UBXN1: variants seen among roughly 807,000 people sequenced by gnomAD.
UBXN1 encodes the protein UBX domain protein 1, also known as UBX domain-containing protein 1.
In UBXN1, 21 loss-of-function variants were observed where a neutral mutation model predicts 42.0. The ratio of observed to expected loss-of-function variants is 0.50; its 90% CI spans 0.35 to 0.72. The LOEUF is 0.72. Ranked by LOEUF, UBXN1 falls within the 30% of genes least tolerant of loss-of-function variation. UBXN1 has a pLI of 0.00. For synonymous variants in UBXN1, 172 were observed against 142.6 expected, an observed-to-expected ratio of 1.21 and a Z score of -1.47; for missense variants, 374 against 382.2, an observed-to-expected ratio of 0.98 and a Z score of 0.18.
Position 62,676,966 on chromosome 11 carries a change from G to A in UBXN1, c.691C>T (p.Arg231Trp), listed in dbSNP as rs754914457. Residue 231 changes from arginine (R) to tryptophan (W), a missense_variant, in exon 8 of 9, where the codon CGG becomes TGG. Coordinates refer to ENST00000301935, the MANE Select transcript of UBXN1 (RefSeq NM_001286077.2). ...PDGTSLTQTF[R>W]AREQLAAVRL... The stretch of plus-strand genomic sequence containing the variant: ...ACAGCTGCCAGCTGTTCCCGGGCCC[G>A]GAACGTCTGGGTCAGTGAGGTCCCA... 6.6e-5 allele frequency: 107 copies of A among 1,611,676 alleles called. No individual in the cohort carries two copies. The highest frequency in any genetic ancestry group is 6.5e-4 in the South Asian group (59 of 91,090).
intron 3 of UBXN1, 28 bp from the exon 4 acceptor site, chr11:62,678,436 C>T (rs183444513): frequency 1.9e-6 from 3 of 1,614,086 alleles, no homozygotes; most frequent in African/African-American, 2.7e-5. Flanking sequence ...GTATTATTAT[C>T]CCTTCAGATT....
At position 62,677,803 on chromosome 11, in the gene UBXN1, T is replaced by C; in HGVS notation, c.512A>G (p.Asp171Gly). The change falls in exon 6 of 9, where the codon GAC becomes GGC. Residue 171 changes from aspartate (D) to glycine (G), a missense_variant. Asp to Gly is a moderately conservative substitution (Grantham distance 94, BLOSUM62 -1). Transcript: ENST00000301935. ...RQRVREKIER[D>G]KAERAKKYGG... ...TACCTTCTTGGCTCTCTCTGCTTTG[T>C]CCCTCTCGATCTTTTCTCTAACTCT... The C allele has an allele frequency of 6.2e-7, 1 of 1,614,254 alleles. No homozygotes were observed. Among genetic ancestry groups the C allele is most frequent in the Non-Finnish European group, 8.5e-7 (1 of 1,180,052 alleles).
chr11:62,677,741 T>G (rs750451667), intron 6 of UBXN1, 40 bp downstream of exon 6: 1 of 1,614,114 alleles, frequency 6.2e-7, no homozygotes, highest in Admixed American at 1.7e-5. Context: ...TTTACTAACC[T>G]GCCCACTCCA....
intron 7 of UBXN1, 124 bp downstream of exon 7, chr11:62,677,392 CAA>C (rs528020957): frequency 3.0e-6 from 3 of 992,060 alleles, no homozygotes; most frequent in Non-Finnish European, 4.7e-6. Context: ...GATAGGATTT[CAA>C]AAGTCATTTA....
rs577563100 is a variant in UBXN1, at chr11:62,678,193, T to G, written c.291-75A>C. 1.4e-5 allele frequency: 23 copies of G among 1,602,024 alleles called. No homozygotes were observed. The African/African-American group carries it at 2.6e-4, about 18-fold the overall frequency. On this transcript the variant is annotated intron_variant, in intron 4 of 8. Transcript: ENST00000301935. ...GTGTAAAGTTTACAATAAACAAAATTAGGCGACATATATCCCAAAGTAGAT... is the reference window on the plus strand; with the variant it reads ...GTGTAAAGTTTACAATAAACAAAATGAGGCGACATATATCCCAAAGTAGAT...
At chr11:62,677,412 G>T in intron 7 of UBXN1, 106 bp downstream of exon 7, 1 of 1,096,864 alleles carries the variant, frequency 9.1e-7, no homozygotes, top group Non-Finnish European at 1.4e-6. Context: ...TTACAAAGAA[G>T]GGAGAGATTT....
At chr11:62,677,134 CA>C in intron 7 of UBXN1, 129 bp from the exon 8 acceptor site, 1 of 1,085,406 alleles carries the variant, frequency 9.2e-7, no homozygotes, top group Non-Finnish European at 1.3e-6. Flanking sequence ...TTTAAAGCAC[CA>C]AATGAACAGC....
Position 62,678,360 on chromosome 11 carries a change from T to G in UBXN1, c.269A>C (p.Glu90Ala). 6.2e-7 allele frequency: 1 copy of G among 1,614,150 alleles called. No homozygotes were observed. ...GEGKPALSEE[E>A]RQEQTKRMLE... ...GTACCTCTTAGTTTGTTCCTGTCTT[T>G]CCTCTTCACTCAAAGCGGGTTTGCC... Residue 90 changes from glutamate to alanine, a missense_variant, in exon 4 of 9, where the codon GAA becomes GCA. Transcript: ENST00000301935.
Position 62,676,615 on chromosome 11 carries a change from AT to A in UBXN1, c.868del (p.Ile290LeufsTer18). On this transcript the variant is annotated frameshift_variant, in exon 9 of 9. Coordinates refer to ENST00000301935, the MANE Select transcript of UBXN1 (RefSeq NM_001286077.2). LOFTEE classifies it high-confidence loss of function. Reference sequence around the variant, plus strand: ...TCAGCTGGGACATTTCTTGGCCACAATGAGAACAGCAGAAGGCACGAGTCCT... The same window carrying A: ...TCAGCTGGGACATTTCTTGGCCACAAGAGAACAGCAGAAGGCACGAGTCCT... The part of the protein sequence containing the change: ...ELGLVPSAVL[I>X]VAKKCPS 6.2e-7 allele frequency: 1 copy of A among 1,612,592 alleles called. No homozygotes were observed. Among genetic ancestry groups the A allele is most frequent in the Non-Finnish European group, 8.5e-7 (1 of 1,179,668 alleles).
In UBXN1 at chr11:62,676,691, C is replaced by G. The variant is rs1452764904; in HGVS notation, c.845-52G>C. Reference sequence around the variant, plus strand: ...ACCACAAGGATACTTGGTTTTTGCTCCCAAAATTCCTGGCCTTGCACCATG... The same window carrying G: ...ACCACAAGGATACTTGGTTTTTGCTGCCAAAATTCCTGGCCTTGCACCATG... On this transcript the variant is annotated intron_variant, in intron 8 of 8. Coordinates refer to ENST00000301935, the MANE Select transcript of UBXN1 (RefSeq NM_001286077.2). 2.5e-6 allele frequency: 4 copies of G among 1,613,944 alleles called. No individual in the cohort carries two copies. The South Asian group carries it at 4.4e-5, about 18-fold the overall frequency.
intron 7 of UBXN1, 172 bp downstream of exon 7, chr11:62,677,346 G>C: frequency 1.4e-6 from 1 of 714,814 alleles, no homozygotes; most frequent in Non-Finnish European, 2.4e-6. Context: ...AATACAACTG[G>C]GGCAGGTGAA....
chr11:62,678,211 A>G (rs1945066720), intron 4 of UBXN1, 93 bp from the exon 5 acceptor site: 1 of 1,603,930 alleles, frequency 6.2e-7, no homozygotes, highest in Non-Finnish European at 8.5e-7. Flanking sequence ...ATATATCCCA[A>G]AGTAGATTAA....
At position 62,676,672 on chromosome 11, in the gene UBXN1, A is replaced by G. The variant is rs201898144; in HGVS notation, c.845-33T>C. On this transcript the variant is annotated intron_variant, in intron 8 of 8. Coordinates refer to ENST00000301935, the MANE Select transcript of UBXN1 (RefSeq NM_001286077.2). The stretch of plus-strand genomic sequence containing the variant: ...TGGAAGAAAACAGGCTTGAACCACA[A>G]GGATACTTGGTTTTTGCTCCCAAAA... 37 of 1,614,196 alleles carry G rather than the reference A, an allele frequency of 2.3e-5. No homozygotes were observed. In the East Asian group the frequency reaches 8.0e-4, roughly 35 times the overall value.
chr11:62,677,183 T>A, intron 7 of UBXN1, 178 bp from the exon 8 acceptor site: 1 of 681,730 alleles, frequency 1.5e-6, no homozygotes, highest in Non-Finnish European at 2.4e-6. Flanking sequence ...GATGAGAGAC[T>A]CCCAGCTCCC....
rs1945097632 is a variant in UBXN1 at position 62,679,053 on chromosome 11, G to A, written c.-130C>T. ...CGCTCTCTCACCCGGCTCTATAGCA[G>A]CCGGGAACACCGACGAGAAGAAAGC... is the stretch of plus-strand genomic sequence containing the variant. On this transcript the variant is annotated 5_prime_UTR_variant, in exon 1 of 9. Transcript: ENST00000301935. The A allele has an allele frequency of 5.0e-6, 5 of 996,852 alleles. No individual in the cohort carries two copies. Among genetic ancestry groups the A allele is most frequent in the South Asian group, 1.6e-5 (1 of 61,998 alleles). 61.8% of individuals were successfully genotyped at this position (996,852 alleles called of 1,614,324 possible).
intron 1 of UBXN1, 32 bp from the exon 2 acceptor site, chr11:62,678,775 C>A: frequency 6.2e-7 from 1 of 1,612,384 alleles, no homozygotes; most frequent in South Asian, 1.1e-5. Context: ...ATAGCGCCCA[C>A]GAGCCATGGT....
At chr11:62,677,386 G>A in intron 7 of UBXN1, 132 bp downstream of exon 7, 3 of 925,272 alleles carry the variant, frequency 3.2e-6, no homozygotes, top group East Asian at 4.8e-5. Flanking sequence ...AGTAGAGATA[G>A]GATTTCAAAA....
At chr11:62,677,259 A>C in intron 7 of UBXN1, 1 of 611,072 alleles carries the variant, frequency 1.6e-6, no homozygotes, top group Non-Finnish European at 2.9e-6. Flanking sequence ...ACATCACCAG[A>C]TAGCTACATA....
intron 4 of UBXN1, 87 bp from the exon 5 acceptor site, chr11:62,678,205 A>G: frequency 1.2e-6 from 2 of 1,601,662 alleles, no homozygotes; most frequent in Non-Finnish European, 1.7e-6. Flanking sequence ...GGCGACATAT[A>G]TCCCAAAGTA....
Sources: allele counts gnomAD v4.1 joint callset, GRCh38; gene constraint gnomAD v4.1.1; transcripts MANE v1.5; gene names NCBI Gene and HGNC (gene_info 2026-07-23, HGNC 2026-07-21).